The following PHACTR1 variants were observed in gnomAD, a reference collection of about 807,000 sequenced individuals.
PHACTR1 encodes the protein phosphatase and actin regulator 1.
In PHACTR1, 16 loss-of-function variants were observed where a neutral mutation model predicts 69.2. The observed-to-expected ratio is 0.23, with a 90% confidence interval of 0.16 to 0.35. The LOEUF is 0.35. Ranked by LOEUF, PHACTR1 falls within the 10% of genes least tolerant of loss-of-function variation. The pLI is 1.00. For synonymous variants in PHACTR1, 312 were observed against 284.5 expected, an observed-to-expected ratio of 1.10 and a Z score of -0.97; for missense variants, 510 against 734.7, an observed-to-expected ratio of 0.69 and a Z score of 3.54.
chr6:13,119,268 C>A (rs1057259972), intron 5 of PHACTR1, among the ~76,000 whole-genome samples: 7 of 152,214 alleles, frequency 4.6e-5, no homozygotes, highest in African/African-American at 1.7e-4. Context: ...GGAAAACCCA[C>A]TGGGATTAAT....
intron 10 of PHACTR1, among the ~76,000 whole-genome samples, chr6:13,265,433 CTA>C (rs34767877): frequency 0.018 from 2,725 of 152,284 alleles, 93 homozygotes; most frequent in African/African-American, 0.061. Context: ...GAAGAGTGCC[CTA>C]TAAGGCAGGC....
rs116083950 is a variant in PHACTR1, at chr6:13,010,882, G to C, written c.251-42483G>C. ...CCAGTAGTAATTCTTCACTGAGGCAGCATTCAGGGTACAGAGCAGGGTCAA... is the reference window on the plus strand; with the variant it reads ...CCAGTAGTAATTCTTCACTGAGGCACCATTCAGGGTACAGAGCAGGGTCAA... On this transcript the variant is annotated intron_variant, in intron 4 of 14. Transcript: ENST00000332995. Among the ~76,000 whole-genome samples, 1,111 of 152,200 alleles carry C rather than the reference G, an allele frequency of 7.3e-3. 15 individuals are homozygous for C. Among genetic ancestry groups the C allele is most frequent in the African/African-American group, 0.025 (1,037 of 41,532 alleles).
At chr6:13,171,643 A>G (rs971674420) in intron 6 of PHACTR1, among the ~76,000 whole-genome samples, 1 of 152,206 alleles carries the variant, frequency 6.6e-6, no homozygotes, top group Non-Finnish European at 1.5e-5. Context: ...ATTTTGTTCA[A>G]TTTTAACGAA....
Position 12,964,007 on chromosome 6 carries a change from T to C in PHACTR1, c.251-89358T>C, listed in dbSNP as rs913702036. Among the ~76,000 whole-genome samples the C allele has an allele frequency of 5.9e-5, 9 of 152,364 alleles. No individual in the cohort carries two copies. In the East Asian group the frequency reaches 1.2e-3, roughly 20 times the overall value. On this transcript the variant is annotated intron_variant, in intron 4 of 14. Transcript: ENST00000332995. The stretch of plus-strand genomic sequence containing the variant: ...TAATATTGGCTCCCTTTGGCTTTAG[T>C]ATAAATTACGAACTCTCTTTTTAAT...
At chr6:12,948,840 A>C (rs1790956496) in intron 4 of PHACTR1, among the ~76,000 whole-genome samples, 1 of 152,230 alleles carries the variant, frequency 6.6e-6, no homozygotes, top group Non-Finnish European at 1.5e-5. Context: ...GTGATATATT[A>C]AATTTTACTT....
intron 4 of PHACTR1, among the ~76,000 whole-genome samples, chr6:12,936,181 AAG>A (rs1438722460): frequency 6.6e-6 from 1 of 152,306 alleles, no homozygotes; most frequent in African/African-American, 2.4e-5. Flanking sequence ...GGATTTTAGG[AAG>A]AGTCTCATTT....
At chr6:12,867,312 T>C (rs985293326) in intron 4 of PHACTR1, among the ~76,000 whole-genome samples, 3 of 152,128 alleles carry the variant, frequency 2.0e-5, no homozygotes, top group African/African-American at 7.2e-5. Flanking sequence ...CAAGGGAGAG[T>C]TGAACCTCAC....
chr6:13,131,218 C>T lies in PHACTR1; in HGVS notation c.416-28986C>T, dbSNP rs149791232. ...ATATATATATACACATACACACACACACACACACACACACACACACACACA... is the reference window on the plus strand; with the variant it reads ...ATATATATATACACATACACACACATACACACACACACACACACACACACA... On this transcript the variant is annotated intron_variant, in intron 5 of 14. Coordinates refer to ENST00000332995, the MANE Select transcript of PHACTR1 (RefSeq NM_030948.6). Among the ~76,000 whole-genome samples the T allele has an allele frequency of 9.7e-3, 308 of 31,670 alleles. 4 individuals are homozygous for T. The highest frequency in any genetic ancestry group is 0.012 in the African/African-American group (174 of 14,082). 20.8% of individuals were successfully genotyped at this position (31,670 alleles called of 152,430 possible).
chr6:12,978,682 G>C (rs1032687395), intron 4 of PHACTR1, among the ~76,000 whole-genome samples: 1 of 152,180 alleles, frequency 6.6e-6, no homozygotes, highest in Non-Finnish European at 1.5e-5. Context: ...ATTTGTATTT[G>C]CAGTGCCTGC....
At chr6:12,921,420 C>T (rs535185915) in intron 4 of PHACTR1, among the ~76,000 whole-genome samples, 57 of 148,290 alleles carry the variant, frequency 3.8e-4, no homozygotes, top group Non-Finnish European at 7.0e-4. Flanking sequence ...AATGCTAGTG[C>T]ACTGTGAAAC....
intron 4 of PHACTR1, among the ~76,000 whole-genome samples, chr6:12,861,756 A>G (rs1457532867): frequency 2.6e-5 from 4 of 152,240 alleles, no homozygotes; most frequent in Non-Finnish European, 2.9e-5. Flanking sequence ...TAACCGTATC[A>G]TTTCTGGCAA....
chr6:13,048,522 T>TTGTGTGTGTGTG (rs70989824), intron 4 of PHACTR1, among the ~76,000 whole-genome samples: 14,992 of 142,822 alleles, frequency 0.1, 899 homozygotes, highest in South Asian at 0.19. Flanking sequence ...TTCCATTTCT[T>TTGTGTGTGTGTG]TGTGTGTGTG....
intron 4 of PHACTR1, among the ~76,000 whole-genome samples, chr6:12,813,410 G>A (rs902005359): frequency 1.3e-5 from 2 of 152,110 alleles, no homozygotes; most frequent in African/African-American, 2.4e-5. Flanking sequence ...TAGGCTGAGC[G>A]GGCAGAGCTT....
chr6:12,878,803 TG>T (rs2127451739), intron 4 of PHACTR1, among the ~76,000 whole-genome samples: 1 of 152,298 alleles, frequency 6.6e-6, no homozygotes, highest in South Asian at 2.1e-4. Flanking sequence ...TAAACTTCCT[TG>T]GGTCCTGAAA....
chr6:13,213,993 T>C (rs1236142616), intron 8 of PHACTR1: 2 of 152,100 alleles, frequency 1.3e-5, no homozygotes, highest in Admixed American at 1.3e-4. Context: ...AATAGAAAAA[T>C]ATCTTACTTT....
At chr6:12,724,503 G>A (rs1762536339) in intron 3 of PHACTR1, among the ~76,000 whole-genome samples, 1 of 152,276 alleles carries the variant, frequency 6.6e-6, no homozygotes, top group Non-Finnish European at 1.5e-5. Context: ...TGAAAGGGCT[G>A]TACATTTAGA....
chr6:12,826,882 T>G (rs556527039), intron 4 of PHACTR1, among the ~76,000 whole-genome samples: 73 of 152,350 alleles, frequency 4.8e-4, no homozygotes, highest in African/African-American at 1.7e-3. Flanking sequence ...CCTGACTGAC[T>G]GTAGAAGGAC....
intron 4 of PHACTR1, among the ~76,000 whole-genome samples, chr6:12,953,202 A>C (rs1791497616): frequency 6.6e-6 from 1 of 152,166 alleles, no homozygotes; most frequent in African/African-American, 2.4e-5. Context: ...TGGCACCTGT[A>C]ATCCCAGCTA....
At chr6:13,286,951 G>T in intron 14 of PHACTR1, 112 bp from the exon 15 acceptor site, 1 of 1,160,334 alleles carries the variant, frequency 8.6e-7, no homozygotes, top group Non-Finnish European at 1.2e-6. Context: ...ACGGTGGGAA[G>T]CTCGCACCTC....
Sources: allele counts gnomAD v4.1 joint callset (sites outside exome capture counted in the v4.1 genomes callset), GRCh38; gene constraint gnomAD v4.1.1; transcripts MANE v1.5; gene names NCBI Gene and HGNC (gene_info 2026-07-23, HGNC 2026-07-21).